The following SMS variants were observed in gnomAD, a reference collection of about 807,000 sequenced individuals.
SMS encodes the protein spermine synthase.
SMS carries 3 observed loss-of-function variants against 33.0 expected under a neutral mutation model. The ratio of observed to expected loss-of-function variants is 0.09; its 90% CI spans 0.04 to 0.23. The LOEUF (loss-of-function observed/expected upper bound fraction) is 0.23. Ranked by LOEUF, SMS falls within the 10% of genes least tolerant of loss-of-function variation. SMS has a pLI of 1.00. For synonymous variants in SMS, 103 were observed against 112.2 expected (o/e 0.92, Z 0.52); for missense variants, 117 against 288.6 (o/e 0.41, Z 4.31).
At chrX:21,991,887 C>A (rs996816137) in intron 9 of SMS, among the ~76,000 whole-genome samples, 3 of 111,599 alleles carry the variant, frequency 2.7e-5, no homozygotes, top group African/African-American at 9.8e-5. Context: ...TTGAAGAGGC[C>A]GGTGGCTCTT....
intron 1 of SMS, among the ~76,000 whole-genome samples, chrX:21,958,374 G>A (rs989972201): frequency 5.3e-5 from 6 of 112,408 alleles, no homozygotes; most frequent in African/African-American, 1.3e-4. Flanking sequence ...AGTCTTCTCC[G>A]TTGCCTTGGC....
At chrX:21,962,815 C>A (rs906540074) in intron 1 of SMS, among the ~76,000 whole-genome samples, 1 of 110,640 alleles carries the variant, frequency 9.0e-6, no homozygotes, top group African/African-American at 3.3e-5. Flanking sequence ...GCCACTATGT[C>A]CGGCTAATTT....
In SMS at chrX:21,994,737, GTTTC is replaced by G. The variant is rs1363463375; in HGVS notation, c.*391_*394del. ...TTGCTGGAGGGAAGATCTTGATGGTGTTTCTTTCCCCAAAAATTGACTTAGATAT... is the reference window on the plus strand; with the variant it reads ...TTGCTGGAGGGAAGATCTTGATGGTGTTTCCCCAAAAATTGACTTAGATAT... On this transcript the variant is annotated 3_prime_UTR_variant, in exon 11 of 11. Transcript: ENST00000404933. 1.0e-5 allele frequency: 8 copies of G among 770,273 alleles called. No individual in the cohort carries two copies. In the South Asian group the frequency reaches 3.3e-4, roughly 32 times the overall value. The allele number at this position is 770,273 out of a possible 1,213,427, so 63.5% of individuals were successfully genotyped here. A position where few individuals can be genotyped will look rare whatever the true frequency, so the allele number is the denominator to read the frequency against.
intron 7 of SMS, among the ~76,000 whole-genome samples, chrX:21,981,728 A>G (rs983695306): frequency 4.5e-5 from 5 of 112,127 alleles, no homozygotes; most frequent in Admixed American, 3.8e-4. Flanking sequence ...AGCTAACAAT[A>G]GAAATAGGAA....
Position 21,977,892 on chromosome X carries a change from G to A in SMS, c.506-68G>A, listed in dbSNP as rs748588945. The A allele has an allele frequency of 3.9e-6, 4 of 1,037,148 alleles. No individual in the cohort carries two copies. In the East Asian group the frequency reaches 9.1e-5, roughly 24 times the overall value. 85.5% of individuals were successfully genotyped at this position (1,037,148 alleles called of 1,213,427 possible). A position where few individuals can be genotyped will look rare whatever the true frequency, so the allele number is the denominator to read the frequency against. ...TTTTGGTCTAGATCCCAGCTCTTCA[G>A]TGTGGTGGGGCCAGGTGGTTTGTGT... is the stretch of plus-strand genomic sequence containing the variant. On this transcript the variant is annotated intron_variant, in intron 5 of 10. Coordinates refer to ENST00000404933, the MANE Select transcript of SMS (RefSeq NM_004595.5).
intron 1 of SMS, among the ~76,000 whole-genome samples, chrX:21,959,480 T>C (rs1923191578): frequency 9.0e-6 from 1 of 111,578 alleles, no homozygotes; most frequent in Non-Finnish European, 1.9e-5. Context: ...TTGTCATTCT[T>C]TTCAGAGGGG....
chrX:21,985,599 T>C (rs1925270099), intron 9 of SMS, among the ~76,000 whole-genome samples: 1 of 112,124 alleles, frequency 8.9e-6, no homozygotes, highest in South Asian at 3.7e-4. Flanking sequence ...CTTTAAAGAT[T>C]ACATTAATTG....
chrX:21,978,551 G>A (rs1924692874), intron 6 of SMS, among the ~76,000 whole-genome samples: 1 of 111,749 alleles, frequency 8.9e-6, no homozygotes, highest in African/African-American at 3.3e-5. Flanking sequence ...ACTCCAGCCT[G>A]GGTGACAGTA....
chrX:21,965,423 G>A (rs112717936), intron 1 of SMS, among the ~76,000 whole-genome samples: 12,006 of 109,422 alleles, frequency 0.11, 953 homozygotes, highest in African/African-American at 0.27. Flanking sequence ...GATTGCTTGA[G>A]CTCAGGAGTT....
chrX:21,979,663 T>C (rs1199909361), intron 7 of SMS, among the ~76,000 whole-genome samples: 1 of 111,493 alleles, frequency 9.0e-6, no homozygotes, highest in East Asian at 2.8e-4. Flanking sequence ...GCAATAAATA[T>C]ACGTGTGCAT....
chrX:21,967,557 C>T (rs965453823), intron 2 of SMS, among the ~76,000 whole-genome samples: 1 of 111,648 alleles, frequency 9.0e-6, no homozygotes, highest in African/African-American at 3.3e-5. Flanking sequence ...ACATGTTTCC[C>T]AGACAAGTTT....
At chrX:21,952,673 T>C (rs1387441128) in intron 1 of SMS, among the ~76,000 whole-genome samples, 1 of 109,992 alleles carries the variant, frequency 9.1e-6, no homozygotes, top group African/African-American at 3.3e-5. Flanking sequence ...TTGTGTAGAA[T>C]TGGTGTTAAT....
chrX:21,940,711 T>C lies in SMS; in HGVS notation c.-114T>C. 1 of 581,087 alleles carries C rather than the reference T, an allele frequency of 1.7e-6. No individual in the cohort carries two copies. Among genetic ancestry groups the C allele is most frequent in the Non-Finnish European group, 2.6e-6 (1 of 385,943 alleles). The allele number at this position is 581,087 out of a possible 1,213,427, so 47.9% of individuals were successfully genotyped here. On this transcript the variant is annotated 5_prime_UTR_variant, in exon 1 of 11. Coordinates refer to ENST00000404933, the MANE Select transcript of SMS (RefSeq NM_004595.5). Reference sequence around the variant, plus strand: ...CCCGGCGGCCCCTCCCACCTCCTAGTCCTGGCCTCCCCGGGCGCAGCACAC... The same window carrying C: ...CCCGGCGGCCCCTCCCACCTCCTAGCCCTGGCCTCCCCGGGCGCAGCACAC...
At chrX:21,956,862 T>G (rs1477411753) in intron 1 of SMS, among the ~76,000 whole-genome samples, 3 of 112,120 alleles carry the variant, frequency 2.7e-5, no homozygotes, top group Non-Finnish European at 1.9e-5. Flanking sequence ...AGTACAGGCG[T>G]GAAACACCAC....
intron 4 of SMS, among the ~76,000 whole-genome samples, chrX:21,975,242 G>A (rs1438996551): frequency 9.0e-6 from 1 of 111,011 alleles, no homozygotes; most frequent in African/African-American, 3.3e-5. Flanking sequence ...GGCTACCAGC[G>A]AGATGCCCTT....
intron 9 of SMS, among the ~76,000 whole-genome samples, chrX:21,986,863 C>T (rs1158199734): frequency 1.8e-5 from 2 of 111,811 alleles, no homozygotes; most frequent in African/African-American, 6.5e-5. Flanking sequence ...ACTGTATGAT[C>T]TGCACAGCCT....
At chrX:21,994,049 A>T (rs1328814610) in intron 10 of SMS, among the ~76,000 whole-genome samples, 1 of 109,328 alleles carries the variant, frequency 9.1e-6, no homozygotes, top group African/African-American at 3.3e-5. Flanking sequence ...GAGACTTTGG[A>T]AGCAGTAGTG....
At chrX:21,941,368 G>C (rs763029212) in intron 1 of SMS, 16 of 240,526 alleles carry the variant, frequency 6.7e-5, no homozygotes, top group Non-Finnish European at 1.2e-4. Context: ...TTGCAGGCGG[G>C]TAAATTTCCC....
chrX:21,944,540 A>G (rs1388278538), intron 1 of SMS, among the ~76,000 whole-genome samples: 21 of 96,801 alleles, frequency 2.2e-4, no homozygotes, highest in African/African-American at 6.8e-4. Context: ...AAAAAAAAAA[A>G]AAAAAGAAAA....
Sources: allele counts gnomAD v4.1 joint callset (sites outside exome capture counted in the v4.1 genomes callset), GRCh38; gene constraint gnomAD v4.1.1; transcripts MANE v1.5; gene names NCBI Gene and HGNC (gene_info 2026-07-23, HGNC 2026-07-21).